GUCY2D: variants seen among roughly 807,000 people sequenced by gnomAD.
GUCY2D encodes the protein guanylate cyclase 2D, retinal.
In GUCY2D, 70 loss-of-function variants were observed where a neutral mutation model predicts 101.3. The ratio of observed to expected loss-of-function variants is 0.69; its 90% CI spans 0.57 to 0.84. The LOEUF (loss-of-function observed/expected upper bound fraction) is 0.84. Ranked by LOEUF, GUCY2D falls within the 40% of genes least tolerant of loss-of-function variation. The pLI, the probability that GUCY2D is intolerant of heterozygous loss-of-function variation, is 0.00. For synonymous variants in GUCY2D, 688 were observed against 670.7 expected (o/e 1.03, Z -0.40); for missense variants, 1,460 against 1,542.5 (o/e 0.95, Z 0.90).
At chr17:8,020,089 C>CTTTTTTTTTTTTTTTTTTTTTTTTTT (rs57273310) in intron 19 of GUCY2D, 39 bp from the exon 20 acceptor site, 2 of 84,292 alleles carry the variant, frequency 2.4e-5, no homozygotes, top group African/African-American at 4.9e-5. Flanking sequence ...CACCTGGCGC[C>CTTTTTTTTTTTTTTTTTTTTTTTTTT]TTTTTTTTTT....
intron 7 of GUCY2D, among the ~76,000 whole-genome samples, 182 bp downstream of exon 7, chr17:8,008,214 C>T (rs947006497): frequency 2.0e-5 from 3 of 152,172 alleles, no homozygotes; most frequent in African/African-American, 7.2e-5. Context: ...AAGGGAAGCA[C>T]CTAGGAATCT....
Position 8,016,461 on chromosome 17 carries a change from CA to C in GUCY2D, c.3244del (p.Ser1082AlafsTer25), listed in dbSNP as rs758522855. 3.8e-6 allele frequency: 6 copies of C among 1,573,202 alleles called. No homozygotes were observed. The East Asian group carries it at 1.4e-4, about 36-fold the overall frequency. ...CTTGCAGGTCCAGCAACCACGGCATCAGCCTGCAGGAGATCCCACCCGAGCG... is the reference window on the plus strand; with the variant it reads ...CTTGCAGGTCCAGCAACCACGGCATCGCCTGCAGGAGATCCCACCCGAGCG... ...LQPGSSNHGISLQEIPPERRR... is the reference protein window; with the variant it reads ...LQPGSSNHGIXLQEIPPERRR... On this transcript the variant is annotated frameshift_variant, in exon 19 of 20. Transcript: ENST00000254854. LOFTEE classifies it high-confidence loss of function.
Position 8,015,508 on chromosome 17 carries a change from TC to T in GUCY2D, c.2944+9del. ...CCGCATAGGCCTGCACTCGGGTAACTCCCGGGTCTTCCCAGGCTCCAGCCCA... is the reference window on the plus strand; with the variant it reads ...CCGCATAGGCCTGCACTCGGGTAACTCCGGGTCTTCCCAGGCTCCAGCCCA... On this transcript the variant is annotated splice_region_variant and intron_variant, in intron 15 of 19. Transcript: ENST00000254854. The T allele has an allele frequency of 1.2e-6, 2 of 1,607,778 alleles. No individual in the cohort carries two copies. The highest frequency in any genetic ancestry group is 1.7e-5 in the Admixed American group (1 of 59,690).
At position 8,003,580 on chromosome 17, in the gene GUCY2D, C is replaced by T. The variant is rs746387733; in HGVS notation, c.533C>T (p.Ala178Val). 1.9e-6 allele frequency: 3 copies of T among 1,584,272 alleles called. No homozygotes were observed. The highest frequency in any genetic ancestry group is 2.6e-6 in the Non-Finnish European group (3 of 1,172,276). The change falls in exon 2 of 20, where the codon GCA becomes GTA. Residue 178 changes from alanine to valine, a missense_variant. By Grantham distance (64) the Ala-to-Val change is moderately conservative. Transcript: ENST00000254854. ...AADALYALLR[A>V]FGWARVALVT... Reference sequence around the variant, plus strand: ...GATGCCCTCTACGCCCTGCTTCGCGCATTCGGCTGGGCGCGCGTGGCCCTG... The same window carrying T: ...GATGCCCTCTACGCCCTGCTTCGCGTATTCGGCTGGGCGCGCGTGGCCCTG...
At position 8,003,410 on chromosome 17, in the gene GUCY2D, G is replaced by A. The variant is rs917247032; in HGVS notation, c.363G>A (p.Val121=). Residue 121 remains valine, a synonymous_variant, in exon 2 of 20, where the codon GTG becomes GTA. Transcript: ENST00000254854. ...LGAVSSALAR[V]SGLVGPVNPA... is the part of the protein sequence containing the mutation. ...CCGTGTCCTCCGCGCTGGCCCGCGT[G>A]TCGGGCCTCGTGGGTCCGGTGAACC... is the stretch of plus-strand genomic sequence containing the variant. 9 of 1,496,772 alleles carry A rather than the reference G, an allele frequency of 6.0e-6. No individual in the cohort carries two copies. The highest frequency in any genetic ancestry group is 2.9e-5 in the African/African-American group (2 of 68,470). The allele number at this position is 1,496,772 out of a possible 1,614,324, so 92.7% of individuals were successfully genotyped here.
chr17:8,015,527 C>A, intron 15 of GUCY2D, 25 bp downstream of exon 15: 20 of 1,599,328 alleles, frequency 1.3e-5, no homozygotes, highest in Non-Finnish European at 1.7e-5. Context: ...TTCCCAGGCT[C>A]CAGCCCATCT....
At chr17:8,010,040 G>T (rs1975819609) in intron 8 of GUCY2D, among the ~76,000 whole-genome samples, 1 of 151,722 alleles carries the variant, frequency 6.6e-6, no homozygotes, top group Non-Finnish European at 1.5e-5. Flanking sequence ...ATTATTCTCT[G>T]CCACACCACT....
chr17:8,007,964 C>T lies in GUCY2D; in HGVS notation c.1600C>T (p.Arg534Cys), dbSNP rs1274312758. ...GGGGAGTCGATCAAGTCTGGGTGCC[C>T]GCAGCATGTCAGACATTCGCAGCGG... ...AQGSRSSLGARSMSDIRSGPS... is the reference protein window; with the variant it reads ...AQGSRSSLGACSMSDIRSGPS... Residue 534 changes from arginine (R) to cysteine (C), a missense_variant, in exon 7 of 20, where the codon CGC (arginine) becomes TGC (cysteine). By Grantham distance (180) the Arg-to-Cys change is radical. Around this residue, in one of 3 missense-constraint regions of GUCY2D, gnomAD observed 1,196 missense variants for 1,229.6 expected, o/e 0.97. Coordinates refer to ENST00000254854, the MANE Select transcript of GUCY2D (RefSeq NM_000180.4). 4.3e-6 allele frequency: 7 copies of T among 1,613,658 alleles called. No individual in the cohort carries two copies. The highest frequency in any genetic ancestry group is 4.5e-5 in the East Asian group (2 of 44,868).
chr17:8,016,085 G>T, intron 17 of GUCY2D, 64 bp downstream of exon 17: 2 of 1,456,348 alleles, frequency 1.4e-6, no homozygotes. Context: ...CCCATCCCGG[G>T]CCGCGGCTGC....
In GUCY2D at chr17:8,015,311, ACTC is replaced by A. The variant is rs766104084; in HGVS notation, c.2770-14_2770-12del. ...GAATGCTCAAAAGAAAATTCACACAACTCCTTCTTCCCCCAGGTGGAGACAATA... is the reference window on the plus strand; with the variant it reads ...GAATGCTCAAAAGAAAATTCACACAACTTCTTCCCCCAGGTGGAGACAATA... On this transcript the variant is annotated splice_polypyrimidine_tract_variant and intron_variant, in intron 14 of 19. Coordinates refer to ENST00000254854, the MANE Select transcript of GUCY2D (RefSeq NM_000180.4). 12 of 1,601,028 alleles carry A rather than the reference ACTC, an allele frequency of 7.5e-6. No individual in the cohort carries two copies. In the South Asian group the frequency reaches 1.1e-4, roughly 15 times the overall value.
chr17:8,006,935 C>A (rs926555183), intron 4 of GUCY2D, 125 bp from the exon 5 acceptor site: 4 of 857,582 alleles, frequency 4.7e-6, no homozygotes, highest in Non-Finnish European at 5.8e-6. Flanking sequence ...CTATGACCTA[C>A]CCCTAGAGCC....
In GUCY2D at chr17:8,008,023, T is replaced by C. The variant is rs766570845; in HGVS notation, c.1659T>C (p.Gly553=). Residue 553 remains glycine (G), a synonymous_variant, in exon 7 of 20, where the codon GGT becomes GGC. Transcript: ENST00000254854. ...AACACTTGGACAGCCCCAACATTGGTGTCTATGAGGTGAGCCTGACCCCAG... is the reference window on the plus strand; with the variant it reads ...AACACTTGGACAGCCCCAACATTGGCGTCTATGAGGTGAGCCTGACCCCAG... ...PSQHLDSPNI[G]VYEGDRVWLK... 6.2e-7 allele frequency: 1 copy of C among 1,605,528 alleles called. No homozygotes were observed. Among genetic ancestry groups the C allele is most frequent in the Admixed American group, 1.7e-5 (1 of 59,938 alleles).
At chr17:8,008,467 AC>A (rs1975788467) in intron 7 of GUCY2D, among the ~76,000 whole-genome samples, 1 of 152,200 alleles carries the variant, frequency 6.6e-6, no homozygotes, top group Non-Finnish European at 1.5e-5. Context: ...AAAGAAAGTC[AC>A]AAAAAAGTAT....
At chr17:8,016,087 C>T (rs764046799) in intron 17 of GUCY2D, 66 bp downstream of exon 17, 12 of 1,449,622 alleles carry the variant, frequency 8.3e-6, no homozygotes, top group Non-Finnish European at 1.1e-5. Flanking sequence ...CATCCCGGGC[C>T]GCGGCTGCAA....
chr17:8,004,232 G>A (rs1975698547), intron 3 of GUCY2D, 76 bp downstream of exon 3: 1 of 1,326,418 alleles, frequency 7.5e-7, no homozygotes, highest in Non-Finnish European at 1.0e-6. Flanking sequence ...GGAGGATGCA[G>A]CCAATGGAGA....
Position 8,007,518 on chromosome 17 carries a change from C to T in GUCY2D, c.1556C>T (p.Thr519Ile), listed in dbSNP as rs549834851. The change falls in exon 6 of 20, where the codon ACC (threonine) becomes ATC (isoleucine). Residue 519 changes from threonine to isoleucine, a missense_variant. Physicochemically the swap from Thr to Ile is moderately conservative, Grantham distance 89. This residue lies in a region of GUCY2D where 1,196 missense variants were observed against 1,229.6 expected (regional missense o/e 0.97). Transcript: ENST00000254854. Reference sequence around the variant, plus strand: ...ACCTTTCTCCACCCACATGGGGGCACCTCTCGAAAGGTGGGGGAGGCAGAG... The same window carrying T: ...ACCTTTCTCCACCCACATGGGGGCATCTCTCGAAAGGTGGGGGAGGCAGAG... The part of the protein sequence containing the change: ...DITFLHPHGG[T>I]SRKVAQGSRS... 169 of 1,600,110 alleles carry T rather than the reference C, an allele frequency of 1.1e-4. 4 individuals are homozygous for T. In the South Asian group the frequency reaches 1.8e-3, roughly 17 times the overall value.
intron 16 of GUCY2D, 25 bp downstream of exon 16, chr17:8,015,866 G>T: frequency 6.2e-7 from 1 of 1,604,802 alleles, no homozygotes; most frequent in Non-Finnish European, 8.5e-7. Context: ...GACAAGACGG[G>T]GAGGTGGGAG....
At position 8,006,560 on chromosome 17, in the gene GUCY2D, C is replaced by T. The variant is rs201054971; in HGVS notation, c.1224C>T (p.Asp408=). 3 of 1,613,308 alleles carry T rather than the reference C, an allele frequency of 1.9e-6. No individual in the cohort carries two copies. Among genetic ancestry groups the T allele is most frequent in the East Asian group, 2.2e-5 (1 of 44,874 alleles). Residue 408 remains aspartate, a synonymous_variant, in exon 4 of 20, where the codon GAC becomes GAT. Coordinates refer to ENST00000254854, the MANE Select transcript of GUCY2D (RefSeq NM_000180.4). The part of the protein sequence containing the change: ...EEPPFVLLDT[D]AAGDRLFATY... ...CCCCATTCGTGCTGCTAGACACGGA[C>T]GCGGCGGGAGACCGGCTTTTTGCCA...
At position 8,016,458 on chromosome 17, in the gene GUCY2D, C is replaced by A; in HGVS notation, c.3240C>A (p.Gly1080=). 2 of 1,571,090 alleles carry A rather than the reference C, an allele frequency of 1.3e-6. No individual in the cohort carries two copies. Among genetic ancestry groups the A allele is most frequent in the Non-Finnish European group, 1.7e-6 (2 of 1,158,502 alleles). ...CTCCTTGCAGGTCCAGCAACCACGGCATCAGCCTGCAGGAGATCCCACCCG... is the reference window on the plus strand; with the variant it reads ...CTCCTTGCAGGTCCAGCAACCACGGAATCAGCCTGCAGGAGATCCCACCCG... The part of the protein sequence containing the change: ...PDLQPGSSNH[G]ISLQEIPPER... The change falls in exon 19 of 20, where the codon GGC becomes GGA. Residue 1080 remains glycine (G), a synonymous_variant. Coordinates refer to ENST00000254854, the MANE Select transcript of GUCY2D (RefSeq NM_000180.4).
Sources: allele counts gnomAD v4.1 joint callset (sites outside exome capture counted in the v4.1 genomes callset), GRCh38; gene constraint gnomAD v4.1.1; regional missense constraint gnomAD v4.1.1; transcripts MANE v1.5; gene names NCBI Gene and HGNC (gene_info 2026-07-23, HGNC 2026-07-21).